The following AUTS2 variants were observed in gnomAD, a reference collection of about 807,000 sequenced individuals.
AUTS2 encodes the protein autism susceptibility gene 2 protein.
AUTS2 carries 17 observed loss-of-function variants against 112.4 expected under a neutral mutation model. The observed-to-expected ratio is 0.15, with a 90% CI of 0.10 to 0.23. The LOEUF is 0.23. AUTS2 is among the 10% of genes least tolerant of loss of function. The pLI is 1.00. For missense variants in AUTS2, 1,510 were observed against 1,701.6 expected (o/e 0.89, Z 1.98); for synonymous variants, 751 against 702.7 (o/e 1.07, Z -1.09).
intron 4 of AUTS2, among the ~76,000 whole-genome samples, chr7:70,369,966 G>A (rs1162707180): frequency 1.3e-5 from 2 of 152,148 alleles, no homozygotes; most frequent in Non-Finnish European, 2.9e-5. Context: ...GGAACCAGGA[G>A]CCAGACCATG....
chr7:70,652,982 T>C (rs946103906), intron 5 of AUTS2, among the ~76,000 whole-genome samples: 1 of 152,092 alleles, frequency 6.6e-6, no homozygotes, highest in Non-Finnish European at 1.5e-5. Context: ...AGCCCAGGTG[T>C]GGTGGCTCAT....
chr7:70,128,605 G>GA (rs919713210), intron 3 of AUTS2, among the ~76,000 whole-genome samples: 5 of 152,194 alleles, frequency 3.3e-5, no homozygotes, highest in Non-Finnish European at 7.3e-5. Context: ...TCGAGGGAAA[G>GA]AAAAATGGCT....
intron 2 of AUTS2, among the ~76,000 whole-genome samples, chr7:70,028,741 G>C (rs1203976310): frequency 6.6e-6 from 1 of 152,048 alleles, no homozygotes; most frequent in Non-Finnish European, 1.5e-5. Flanking sequence ...TTCTTGACTA[G>C]ATTTTAATAA....
intron 2 of AUTS2, among the ~76,000 whole-genome samples, chr7:70,108,028 TTAACTC>T (rs1022610629): frequency 3.3e-5 from 5 of 151,672 alleles, no homozygotes; most frequent in Admixed American, 2.6e-4. Flanking sequence ...AAAAAAAAGT[TTAACTC>T]TAGTGTGTGG....
At chr7:69,609,373 G>T (rs957505385) in intron 1 of AUTS2, among the ~76,000 whole-genome samples, 4 of 152,108 alleles carry the variant, frequency 2.6e-5, no homozygotes, top group Non-Finnish European at 4.4e-5. Context: ...CTCTCCCTGC[G>T]CTCTCTCCCA....
intron 2 of AUTS2, among the ~76,000 whole-genome samples, chr7:69,928,285 G>C (rs536256279): frequency 2.2e-4 from 33 of 152,308 alleles, no homozygotes; most frequent in Middle Eastern, 3.4e-3. Context: ...AAGGCATCAA[G>C]GAACTTCTCA....
intron 6 of AUTS2, among the ~76,000 whole-genome samples, chr7:70,737,690 T>C (rs544772896): frequency 6.6e-6 from 1 of 152,290 alleles, no homozygotes; most frequent in East Asian, 1.9e-4. Context: ...TACAGCTCTG[T>C]CATTACTTTC....
chr7:70,297,543 C>G (rs905463331), intron 4 of AUTS2, among the ~76,000 whole-genome samples: 1 of 151,968 alleles, frequency 6.6e-6, no homozygotes, highest in African/African-American at 2.4e-5. Flanking sequence ...CATTCTCCTG[C>G]CCCAGCCTCC....
At chr7:70,395,254 A>T (rs138751608) in intron 4 of AUTS2, among the ~76,000 whole-genome samples, 1 of 151,794 alleles carries the variant, frequency 6.6e-6, no homozygotes, top group Non-Finnish European at 1.5e-5. Flanking sequence ...AAAAGCTACT[A>T]TTAGCCAGGT....
intron 4 of AUTS2, among the ~76,000 whole-genome samples, chr7:70,315,646 G>A (rs1328961994): frequency 6.6e-6 from 1 of 152,042 alleles, no homozygotes; most frequent in African/African-American, 2.4e-5. Flanking sequence ...TTTTCCCAAA[G>A]TAAATTTCTC....
intron 4 of AUTS2, among the ~76,000 whole-genome samples, chr7:70,301,151 T>C (rs1452874525): frequency 6.6e-6 from 1 of 152,228 alleles, no homozygotes; most frequent in African/African-American, 2.4e-5. Flanking sequence ...TGTTATATTT[T>C]ATTTGCGTGC....
intron 5 of AUTS2, among the ~76,000 whole-genome samples, chr7:70,496,597 TCA>T (rs1269735428): frequency 1.0e-5 from 1 of 99,740 alleles, no homozygotes; most frequent in Non-Finnish European, 1.9e-5. Flanking sequence ...TCAGCATCAA[TCA>T]CACACCCCAC....
intron 1 of AUTS2, among the ~76,000 whole-genome samples, chr7:69,675,610 C>T (rs138197432): frequency 6.7e-6 from 1 of 148,434 alleles, no homozygotes; most frequent in African/African-American, 2.5e-5. Flanking sequence ...GGGTTCAAGA[C>T]ATTCACCTGC....
At chr7:70,224,366 A>G (rs200525054) in intron 4 of AUTS2, among the ~76,000 whole-genome samples, 26 of 148,356 alleles carry the variant, frequency 1.8e-4, no homozygotes, top group South Asian at 4.4e-4. Context: ...ATACAATACA[A>G]TACAATACAA....
chr7:70,150,794 C>T (rs2129576230), intron 4 of AUTS2, among the ~76,000 whole-genome samples: 1 of 152,180 alleles, frequency 6.6e-6, no homozygotes, highest in African/African-American at 2.4e-5. Context: ...CCTAATATGC[C>T]AGGTGATAAT....
At chr7:70,441,123 G>A (rs757047348) in intron 5 of AUTS2, among the ~76,000 whole-genome samples, 2 of 152,162 alleles carry the variant, frequency 1.3e-5, no homozygotes, top group Non-Finnish European at 2.9e-5. Flanking sequence ...AAGTATACAT[G>A]CAGTACACAC....
intron 2 of AUTS2, among the ~76,000 whole-genome samples, chr7:69,986,302 A>G (rs544643177): frequency 2.0e-5 from 3 of 152,200 alleles, no homozygotes; most frequent in Non-Finnish European, 4.4e-5. Flanking sequence ...TATTTGTTGA[A>G]TGAATGCTTG....
chr7:70,167,574 A>G (rs1401465037), intron 4 of AUTS2, among the ~76,000 whole-genome samples: 1 of 152,244 alleles, frequency 6.6e-6, no homozygotes, highest in Non-Finnish European at 1.5e-5. Context: ...TGACTCAATC[A>G]ACATTTATAG....
At chr7:69,732,601 T>C (rs1453717271) in intron 1 of AUTS2, among the ~76,000 whole-genome samples, 2 of 152,162 alleles carry the variant, frequency 1.3e-5, no homozygotes, top group Non-Finnish European at 2.9e-5. Context: ...TAAATGATAG[T>C]GCAAAGTGTT....
Sources: gnomAD v4.1 joint callset for allele counts (sites outside exome capture counted in the v4.1 genomes callset) on GRCh38, gnomAD v4.1.1 for gene constraint, MANE v1.5 for transcripts, NCBI Gene and HGNC (gene_info 2026-07-23, HGNC 2026-07-21) for gene names.